Variants in STX11 observed in about 807,000 individuals in gnomAD.
The protein encoded by STX11 is syntaxin-11.
Under a neutral mutation model 19.9 loss-of-function variants are expected in STX11, and 21 were observed. That is an observed-to-expected ratio of 1.06 (90% CI 0.75 to 1.52). The LOEUF is 1.52. STX11 is among the 40% of genes most tolerant of loss of function. The pLI is 0.00. For synonymous variants in STX11, 193 were observed against 174.4 expected (o/e 1.11, Z -0.84); for missense variants, 438 against 405.9 (o/e 1.08, Z -0.68).
Position 144,153,302 on chromosome 6 carries a change from C to G in STX11, c.-6+2599C>G, listed in dbSNP as rs1283842081. Among the ~76,000 whole-genome samples, 8 of 152,182 alleles carry G rather than the reference C, an allele frequency of 5.3e-5. No individual in the cohort carries two copies. Among genetic ancestry groups the G allele is most frequent in the Non-Finnish European group, 1.2e-4 (8 of 68,024 alleles). On this transcript the variant is annotated intron_variant, in intron 1 of 1. Coordinates refer to ENST00000367568, the MANE Select transcript of STX11 (RefSeq NM_003764.4). The surrounding 1 kb of genome is among the most constrained non-coding windows in gnomAD (Gnocchi z 5.0). Reference sequence around the variant, plus strand: ...AGCATTGTACTCCCTGAACTTGGCCCAGGCTTGTCTCATGATAAGTGTTAG... The same window carrying G: ...AGCATTGTACTCCCTGAACTTGGCCGAGGCTTGTCTCATGATAAGTGTTAG...
rs958342416 is a variant in STX11 at position 144,153,721 on chromosome 6, G to A, written c.-6+3018G>A. On this transcript the variant is annotated intron_variant, in intron 1 of 1. Coordinates refer to ENST00000367568, the MANE Select transcript of STX11 (RefSeq NM_003764.4). The surrounding 1 kb of genome is among the most constrained non-coding windows in gnomAD (Gnocchi z 5.0). The stretch of plus-strand genomic sequence containing the variant: ...TGGGACATTGAAGAAGGCCTGAATC[G>A]GGCAGTGACAATGCAGATGGGAAAA... Among the ~76,000 whole-genome samples the A allele has an allele frequency of 2.0e-5, 3 of 152,156 alleles. No individual in the cohort carries two copies. Among genetic ancestry groups the A allele is most frequent in the Admixed American group, 6.5e-5 (1 of 15,272 alleles).
rs1801810945 is a variant in STX11 at position 144,177,737 on chromosome 6, G to C, written c.-5-8886G>C. ...TGCACTCCAGCCTGGGTGACAGAGG[G>C]AGACTCCGTCTCAAAAAAAAGAAGA... is the stretch of plus-strand genomic sequence containing the variant. On this transcript the variant is annotated intron_variant, in intron 1 of 1. Transcript: ENST00000367568. The surrounding 1 kb of genome is among the most constrained non-coding windows in gnomAD (Gnocchi z 4.4). Among the ~76,000 whole-genome samples, 1 of 152,142 alleles carries C rather than the reference G, an allele frequency of 6.6e-6. No homozygotes were observed. Among genetic ancestry groups the C allele is most frequent in the Admixed American group, 6.5e-5 (1 of 15,268 alleles).
At position 144,189,159 on chromosome 6, in the gene STX11, A is replaced by G. The variant is rs1802150297; in HGVS notation, c.*1668A>G. Among the ~76,000 whole-genome samples, 1 of 152,182 alleles carries G rather than the reference A, an allele frequency of 6.6e-6. No homozygotes were observed. Among genetic ancestry groups the G allele is most frequent in the African/African-American group, 2.4e-5 (1 of 41,454 alleles). ...CCACCTCAGCCTACAAATAGCTGAG[A>G]CTACAGATATGTGCCACCATGCCCG... On this transcript the variant is annotated 3_prime_UTR_variant, in exon 2 of 2. Transcript: ENST00000367568.
chr6:144,173,816 G>A (rs758349264), intron 1 of STX11, among the ~76,000 whole-genome samples: 6 of 152,158 alleles, frequency 3.9e-5, no homozygotes, highest in Non-Finnish European at 7.3e-5. Flanking sequence ...CAGTCTGCAT[G>A]CCATCTTTCC....
the STX11 span, among the ~76,000 whole-genome samples, chr6:144,140,209 CATATATATATATATATATAT>C: frequency 2.9e-3 from 127 of 44,456 alleles, 1 homozygote; most frequent in Non-Finnish European, 3.9e-3. Flanking sequence ...GGTCAATTCA[CATATATATATATATATATAT>C]ATATATATAT....
At position 144,176,398 on chromosome 6, in the gene STX11, A is replaced by T. The variant is rs542045422; in HGVS notation, c.-5-10225A>T. Among the ~76,000 whole-genome samples the T allele has an allele frequency of 3.9e-4, 59 of 152,192 alleles. No homozygotes were observed. Among genetic ancestry groups the T allele is most frequent in the African/African-American group, 1.3e-3 (54 of 41,534 alleles). ...TCGAAAATGATGTTACCCTCCTCCCAAGGTTATTGTGAGGATTGTGGTGGA... is the reference window on the plus strand; with the variant it reads ...TCGAAAATGATGTTACCCTCCTCCCTAGGTTATTGTGAGGATTGTGGTGGA... On this transcript the variant is annotated intron_variant, in intron 1 of 1. Coordinates refer to ENST00000367568, the MANE Select transcript of STX11 (RefSeq NM_003764.4). This position sits in a 1 kb window ranked among gnomAD's most constrained non-coding sequence, Gnocchi z 4.1.
In STX11 at chr6:144,176,206, A is replaced by T. The variant is rs1175132934; in HGVS notation, c.-5-10417A>T. Among the ~76,000 whole-genome samples, 1 of 151,568 alleles carries T rather than the reference A, an allele frequency of 6.6e-6. No homozygotes were observed. Among genetic ancestry groups the T allele is most frequent in the African/African-American group, 2.4e-5 (1 of 41,148 alleles). ...CAACACTAGCGCCTCCCGACCTAGT[A>T]CCTCCCCACACTAGCGCCTCCCACC... On this transcript the variant is annotated intron_variant, in intron 1 of 1. Transcript: ENST00000367568. This position sits in a 1 kb window ranked among gnomAD's most constrained non-coding sequence, Gnocchi z 4.1.
chr6:144,160,418 C>T lies in STX11; in HGVS notation c.-6+9715C>T, dbSNP rs1341641151. ...TTGAAGCTTTGCAGCTCTTCTGCTGCAATTTATTTACATTTATTATATTCA... is the reference window on the plus strand; with the variant it reads ...TTGAAGCTTTGCAGCTCTTCTGCTGTAATTTATTTACATTTATTATATTCA... On this transcript the variant is annotated intron_variant, in intron 1 of 1. Transcript: ENST00000367568. This position sits in a 1 kb window ranked among gnomAD's most constrained non-coding sequence, Gnocchi z 4.3. Among the ~76,000 whole-genome samples, 5 of 152,150 alleles carry T rather than the reference C, an allele frequency of 3.3e-5. No individual in the cohort carries two copies. The highest frequency in any genetic ancestry group is 9.7e-5 in the African/African-American group (4 of 41,434).
At chr6:144,140,458 T>C in the STX11 span, among the ~76,000 whole-genome samples, 2 of 151,822 alleles carry the variant, frequency 1.3e-5, no homozygotes, top group Non-Finnish European at 2.9e-5. Flanking sequence ...TTTCGCCGTG[T>C]TGGCCAGGCT....
At chr6:144,185,713 A>G (rs2128756229) in intron 1 of STX11, among the ~76,000 whole-genome samples, 1 of 152,342 alleles carries the variant, frequency 6.6e-6, no homozygotes, top group Middle Eastern at 3.4e-3. Context: ...ACATAAAAGC[A>G]TTTTAAAAAG....
Position 144,187,507 on chromosome 6 carries a change from C to T in STX11, c.*16C>T, listed in dbSNP as rs775096848. 4 of 1,611,642 alleles carry T rather than the reference C, an allele frequency of 2.5e-6. No individual in the cohort carries two copies. Among genetic ancestry groups the T allele is most frequent in the East Asian group, 4.5e-5 (2 of 44,874 alleles). On this transcript the variant is annotated 3_prime_UTR_variant, in exon 2 of 2. Transcript: ENST00000367568. The surrounding 1 kb of genome is among the most constrained non-coding windows in gnomAD (Gnocchi z 5.6). ...CCTCAAGTAGCAGGCCGGCCCGGGC[C>T]GCCACCGCCCATCCCAGACCATGGA...
At chr6:144,144,573 T>C in the STX11 span, among the ~76,000 whole-genome samples, 1 of 152,216 alleles carries the variant, frequency 6.6e-6, no homozygotes, top group Non-Finnish European at 1.5e-5. Flanking sequence ...AATGGAAATA[T>C]TATATTCTGC....
At position 144,151,266 on chromosome 6, in the gene STX11, C is replaced by A; in HGVS notation, c.-6+563C>A. The A allele has an allele frequency of 1.0e-6, 1 of 985,370 alleles. No individual in the cohort carries two copies. The highest frequency in any genetic ancestry group is 4.7e-5 in the South Asian group (1 of 21,272). 61.0% of individuals were successfully genotyped at this position (985,370 alleles called of 1,614,324 possible). A position where few individuals can be genotyped will look rare whatever the true frequency, so the allele number is the denominator to read the frequency against. On this transcript the variant is annotated intron_variant, in intron 1 of 1. Coordinates refer to ENST00000367568, the MANE Select transcript of STX11 (RefSeq NM_003764.4). The surrounding 1 kb of genome is among the most constrained non-coding windows in gnomAD (Gnocchi z 4.6). ...TGGAGAGAAGTAGTGGCAATGCCTG[C>A]GAGAGCCACGCCGTCCTGAGAGGGA...
Position 144,154,799 on chromosome 6 carries a change from C to T in STX11, c.-6+4096C>T, listed in dbSNP as rs946944590. Among the ~76,000 whole-genome samples, 4 of 151,480 alleles carry T rather than the reference C, an allele frequency of 2.6e-5. No homozygotes were observed. The highest frequency in any genetic ancestry group is 9.8e-5 in the African/African-American group (4 of 40,742). On this transcript the variant is annotated intron_variant, in intron 1 of 1. Coordinates refer to ENST00000367568, the MANE Select transcript of STX11 (RefSeq NM_003764.4). The surrounding 1 kb of genome is among the most constrained non-coding windows in gnomAD (Gnocchi z 4.7). ...AGAATTTTATTAAGTGAGTCTGGTCCTGCTGTGTCTCCTGTCCTCTTGATT... is the reference window on the plus strand; with the variant it reads ...AGAATTTTATTAAGTGAGTCTGGTCTTGCTGTGTCTCCTGTCCTCTTGATT...
rs1801972432 is a variant in STX11 at position 144,184,095 on chromosome 6, A to G, written c.-5-2528A>G. Among the ~76,000 whole-genome samples the G allele has an allele frequency of 6.6e-6, 1 of 152,178 alleles. No individual in the cohort carries two copies. On this transcript the variant is annotated intron_variant, in intron 1 of 1. Coordinates refer to ENST00000367568, the MANE Select transcript of STX11 (RefSeq NM_003764.4). This position sits in a 1 kb window ranked among gnomAD's most constrained non-coding sequence, Gnocchi z 6.5. ...CTTTATGGCTGTATAGTACAGTCTA[A>G]CATTGATGGGCATTTGGGTTGGTTC... is the stretch of plus-strand genomic sequence containing the variant.
At position 144,177,224 on chromosome 6, in the gene STX11, C is replaced by T. The variant is rs1186974684; in HGVS notation, c.-5-9399C>T. 6.6e-6 allele frequency among the ~76,000 whole-genome samples: 1 copy of T among 152,162 alleles called. No homozygotes were observed. Among genetic ancestry groups the T allele is most frequent in the African/African-American group, 2.4e-5 (1 of 41,432 alleles). ...ATTACTTAAAGGCATATATGTTTTC[C>T]AACTGGACTCAAAATCTATTCCCCA... On this transcript the variant is annotated intron_variant, in intron 1 of 1. Transcript: ENST00000367568. The surrounding 1 kb of genome is among the most constrained non-coding windows in gnomAD (Gnocchi z 4.4).
intron 1 of STX11, among the ~76,000 whole-genome samples, chr6:144,158,906 G>A (rs1366399476): frequency 6.6e-6 from 1 of 152,198 alleles, no homozygotes; most frequent in Non-Finnish European, 1.5e-5. Flanking sequence ...GAAGTTGTCT[G>A]TGCCTGGGTC....
rs574438185 is a variant in STX11, at chr6:144,190,083, C to T, written c.*2592C>T. Among the ~76,000 whole-genome samples, 39 of 152,288 alleles carry T rather than the reference C, an allele frequency of 2.6e-4. No homozygotes were observed. The South Asian group carries it at 2.9e-3, about 11-fold the overall frequency. ...TCCTCACGTTTTATATTGGAGAGTT[C>T]GGTACAGACTGTCCATTACTGCACC... is the stretch of plus-strand genomic sequence containing the variant. On this transcript the variant is annotated 3_prime_UTR_variant, in exon 2 of 2. Transcript: ENST00000367568.
the STX11 span, among the ~76,000 whole-genome samples, chr6:144,141,613 T>C: frequency 1.3e-5 from 2 of 152,168 alleles, no homozygotes; most frequent in Non-Finnish European, 2.9e-5. Flanking sequence ...GATAACAAGA[T>C]GAAAAAAATC....
Sources: allele counts gnomAD v4.1 joint callset (sites outside exome capture counted in the v4.1 genomes callset), GRCh38; gene constraint gnomAD v4.1.1; non-coding constraint Gnocchi (gnomAD v3.1); transcripts MANE v1.5; gene names NCBI Gene and HGNC (gene_info 2026-07-23, HGNC 2026-07-21).